The following BMPR1B variants were observed in gnomAD, a reference collection of about 807,000 sequenced individuals.
BMPR1B encodes bone morphogenetic protein receptor type-1B.
Under a neutral mutation model 59.1 loss-of-function variants are expected in BMPR1B, and 12 were observed. The observed-to-expected ratio is 0.20, with a 90% CI of 0.13 to 0.33. The LOEUF is 0.33. BMPR1B is among the 10% of genes least tolerant of loss of function. The pLI, the probability that BMPR1B is intolerant of heterozygous loss-of-function variation, is 1.00. For missense variants in BMPR1B, 550 were observed against 610.9 expected, an observed-to-expected ratio of 0.90 and a Z score of 1.05; for synonymous variants, 237 against 207.3, an observed-to-expected ratio of 1.14 and a Z score of -1.23.
chr4:95,087,935 T>G (rs1729709408), intron 3 of BMPR1B, among the ~76,000 whole-genome samples: 2 of 152,106 alleles, frequency 1.3e-5, no homozygotes, highest in South Asian at 2.1e-4. Context: ...TTCAGTAAAT[T>G]TACTTTGAAC....
intron 1 of BMPR1B, among the ~76,000 whole-genome samples, chr4:94,841,392 T>C (rs6828203): frequency 0.079 from 11,905 of 150,858 alleles, 560 homozygotes; most frequent in African/African-American, 0.14. Flanking sequence ...GATCTCAGAC[T>C]GCTGTGCTAG....
At chr4:95,042,516 C>A (rs891997308) in intron 3 of BMPR1B, among the ~76,000 whole-genome samples, 1 of 152,120 alleles carries the variant, frequency 6.6e-6, no homozygotes, top group Non-Finnish European at 1.5e-5. Flanking sequence ...CCCTTGGGTC[C>A]CATCCCCAAG....
chr4:94,800,796 T>A (rs1723377755), intron 1 of BMPR1B, among the ~76,000 whole-genome samples: 1 of 152,238 alleles, frequency 6.6e-6, no homozygotes, highest in South Asian at 2.1e-4. Context: ...TTATTACTCA[T>A]GATTTTTGAT....
At chr4:94,770,890 A>G (rs1186457690) in intron 1 of BMPR1B, among the ~76,000 whole-genome samples, 3 of 12,094 alleles carry the variant, frequency 2.5e-4, no homozygotes, top group African/African-American at 7.8e-4. Context: ...TAGCCCTGCA[A>G]AAAAAAAAAA....
intron 3 of BMPR1B, among the ~76,000 whole-genome samples, chr4:95,027,849 A>T (rs566333506): frequency 3.6e-4 from 55 of 152,236 alleles, no homozygotes; most frequent in Middle Eastern, 6.8e-3. Context: ...TTATCTGTGT[A>T]TTACTGTCTA....
chr4:94,814,113 ACT>A (rs1374518139), intron 1 of BMPR1B, among the ~76,000 whole-genome samples: 1 of 152,198 alleles, frequency 6.6e-6, no homozygotes. Flanking sequence ...GTTGCAAATG[ACT>A]CAAATCCGAT....
At chr4:94,933,152 A>C (rs1462962201) in intron 2 of BMPR1B, among the ~76,000 whole-genome samples, 1 of 152,048 alleles carries the variant, frequency 6.6e-6, no homozygotes, top group Non-Finnish European at 1.5e-5. Flanking sequence ...CTATTCATAA[A>C]GTTGTAAGCT....
intron 2 of BMPR1B, among the ~76,000 whole-genome samples, chr4:94,891,403 G>A (rs1006021231): frequency 7.9e-5 from 12 of 152,002 alleles, no homozygotes; most frequent in Admixed American, 3.3e-4. Context: ...AGTTTTATTC[G>A]TATCTTCTAG....
chr4:95,132,888 C>T (rs539579985), intron 10 of BMPR1B, among the ~76,000 whole-genome samples: 1 of 152,272 alleles, frequency 6.6e-6, no homozygotes, highest in African/African-American at 2.4e-5. Flanking sequence ...ATCACCCTAT[C>T]CACAGTGTCC....
At position 95,155,466 on chromosome 4, in the gene BMPR1B, CAAAG is replaced by C. The variant is rs1338354033; in HGVS notation, c.*798_*801del. 2 of 102,062 alleles carry C rather than the reference CAAAG, an allele frequency of 2.0e-5. No individual in the cohort carries two copies. The highest frequency in any genetic ancestry group is 3.7e-5 in the African/African-American group (1 of 27,106). 6.3% of individuals were successfully genotyped at this position (102,062 alleles called of 1,614,324 possible). ...ATGGTAAAACCCTTTTCATTAAACA[CAAAG>C]AAAGCTTTTTTTTTTTTTTTTTTTT... On this transcript the variant is annotated 3_prime_UTR_variant, in exon 13 of 13. Transcript: ENST00000515059.
chr4:94,907,227 A>G (rs1417127335), intron 2 of BMPR1B, among the ~76,000 whole-genome samples: 2 of 152,078 alleles, frequency 1.3e-5, no homozygotes, highest in Non-Finnish European at 2.9e-5. Context: ...CCTTTCATGA[A>G]GAGGCATTGA....
chr4:95,123,665 G>T lies in BMPR1B; in HGVS notation c.350-145G>T. 6.0e-6 allele frequency: 4 copies of T among 662,970 alleles called. No homozygotes were observed. In the South Asian group the frequency reaches 7.4e-5, roughly 12 times the overall value. 41.1% of individuals were successfully genotyped at this position (662,970 alleles called of 1,614,324 possible). ...CTTATTTAATTTTGAGTATATATGG[G>T]TTTTTAAAAAATTAATTGGTATGTG... On this transcript the variant is annotated intron_variant, in intron 6 of 12. Coordinates refer to ENST00000515059, the MANE Select transcript of BMPR1B (RefSeq NM_001203.3).
At chr4:94,955,062 G>A (rs1730090344) in intron 2 of BMPR1B, among the ~76,000 whole-genome samples, 1 of 152,130 alleles carries the variant, frequency 6.6e-6, no homozygotes, top group African/African-American at 2.4e-5. Context: ...TAGAACTTAT[G>A]TTGCTTTATA....
chr4:94,898,149 A>G (rs1037640720), intron 2 of BMPR1B, among the ~76,000 whole-genome samples: 15 of 151,618 alleles, frequency 9.9e-5, no homozygotes, highest in Non-Finnish European at 2.2e-4. Context: ...TGGGAGTCTC[A>G]CTATGTTACC....
chr4:94,886,941 T>C (rs1299170834), intron 2 of BMPR1B, among the ~76,000 whole-genome samples: 1 of 152,104 alleles, frequency 6.6e-6, no homozygotes, highest in African/African-American at 2.4e-5. Flanking sequence ...GGGATGAAGA[T>C]TGTGGGAAAA....
At chr4:95,115,175 G>A (rs1385576902) in intron 5 of BMPR1B, among the ~76,000 whole-genome samples, 1 of 152,052 alleles carries the variant, frequency 6.6e-6, no homozygotes, top group Non-Finnish European at 1.5e-5. Flanking sequence ...ATACCATCTA[G>A]GTTTGTGCAA....
intron 3 of BMPR1B, among the ~76,000 whole-genome samples, chr4:95,018,911 G>C (rs921004265): frequency 1.3e-5 from 2 of 152,130 alleles, no homozygotes; most frequent in African/African-American, 4.8e-5. Context: ...TAATTAATGG[G>C]ATAGCAAGGG....
At chr4:94,961,876 G>A (rs7661049) in intron 2 of BMPR1B, among the ~76,000 whole-genome samples, 82,820 of 151,968 alleles carry the variant, frequency 0.54, 23,348 homozygotes, top group African/African-American at 0.66. Flanking sequence ...TATGATGTGT[G>A]ATAACCAAAT....
intron 3 of BMPR1B, among the ~76,000 whole-genome samples, chr4:95,092,367 C>A (rs184599559): frequency 1.3e-3 from 196 of 152,126 alleles, no homozygotes; most frequent in African/African-American, 4.4e-3. Context: ...ACATGGGTGG[C>A]ACTGCAGATT....
Sources: gnomAD v4.1 joint callset for allele counts (sites outside exome capture counted in the v4.1 genomes callset) on GRCh38, gnomAD v4.1.1 for gene constraint, MANE v1.5 for transcripts, NCBI Gene and HGNC (gene_info 2026-07-23, HGNC 2026-07-21) for gene names.